Variants in PCDHGB3 observed in about 807,000 individuals in gnomAD.
The protein encoded by PCDHGB3 is protocadherin gamma subfamily B, 3, also known as protocadherin gamma-B3.
PCDHGB3 carries 40 observed loss-of-function variants against 59.2 expected under a neutral mutation model. The ratio of observed to expected loss-of-function variants is 0.68; its 90% CI spans 0.52 to 0.88. The LOEUF is 0.88. PCDHGB3 is among the 40% of genes least tolerant of loss of function. The pLI is 0.00. For synonymous variants in PCDHGB3, 581 were observed against 503.6 expected, an observed-to-expected ratio of 1.15 and a Z score of -2.06; for missense variants, 1,309 against 1,187.9, an observed-to-expected ratio of 1.10 and a Z score of -1.50.
chr5:141,477,438 C>A lies in PCDHGB3; in HGVS notation c.2416-17369C>A, dbSNP rs1386997844. The A allele has an allele frequency of 3.1e-6, 5 of 1,614,174 alleles. No individual in the cohort carries two copies. The Admixed American group carries it at 6.7e-5, about 22-fold the overall frequency. On this transcript the variant is annotated intron_variant, in intron 1 of 3. Coordinates refer to ENST00000576222, the MANE Select transcript of PCDHGB3 (RefSeq NM_018924.5). The surrounding 1 kb of genome is among the most constrained non-coding windows in gnomAD (Gnocchi z 4.9). ...GGAACCCCTTCCCTCTCAGCCCTTA[C>A]AATAGTGCGTGTTCAAGTGTCCGAC...
At chr5:141,447,023 G>GTT (rs5871773) in intron 1 of PCDHGB3, among the ~76,000 whole-genome samples, 2,010 of 151,524 alleles carry the variant, frequency 0.013, 40 homozygotes, top group African/African-American at 0.047. Context: ...GTTTTGTTTT[G>GTT]TTTTTTTTCT....
chr5:141,427,320 G>A (rs920149276), intron 1 of PCDHGB3: 5 of 456,968 alleles, frequency 1.1e-5, no homozygotes, highest in Non-Finnish European at 1.8e-5. Context: ...CCCAGACGTG[G>A]TTTTTACTTC....
chr5:141,396,439 T>C (rs1191341482), intron 1 of PCDHGB3: 1 of 152,138 alleles, frequency 6.6e-6, no homozygotes, highest in African/African-American at 2.4e-5. Flanking sequence ...GCAAACATGG[T>C]GAAACCCCGT....
intron 1 of PCDHGB3, among the ~76,000 whole-genome samples, chr5:141,457,687 G>A (rs2098927754): frequency 6.6e-6 from 1 of 152,198 alleles, no homozygotes; most frequent in Admixed American, 6.5e-5. Context: ...TAGGACTTTT[G>A]GATTGGCTTT....
chr5:141,400,678 TTG>T, intron 1 of PCDHGB3: 1 of 882,002 alleles, frequency 1.1e-6, no homozygotes, highest in Non-Finnish European at 1.7e-6. Flanking sequence ...GAGCAGTAAA[TTG>T]TGAGTTTTTA....
chr5:141,500,574 G>A (rs2099801457), intron 2 of PCDHGB3, among the ~76,000 whole-genome samples: 1 of 152,164 alleles, frequency 6.6e-6, no homozygotes, highest in African/African-American at 2.4e-5. Context: ...ACACTTTCAT[G>A]TGACACTTTA....
At chr5:141,453,521 T>A (rs1311886024) in intron 1 of PCDHGB3, among the ~76,000 whole-genome samples, 2 of 152,148 alleles carry the variant, frequency 1.3e-5, no homozygotes, top group Non-Finnish European at 2.9e-5. Flanking sequence ...TCCTCCCCTA[T>A]ACCTTCTGCC....
chr5:141,494,546 G>A (rs984336435), intron 1 of PCDHGB3, among the ~76,000 whole-genome samples: 7 of 152,152 alleles, frequency 4.6e-5, no homozygotes, highest in African/African-American at 1.2e-4. Context: ...GGAGGAAGGG[G>A]CCATTTCTTT....
At chr5:141,388,632 A>C in intron 1 of PCDHGB3, 1 of 1,613,958 alleles carries the variant, frequency 6.2e-7, no homozygotes, top group Non-Finnish European at 8.5e-7. Context: ...ATACAGGGTG[A>C]GCCTTTCAGA....
chr5:141,460,537 C>T (rs2098991642), intron 1 of PCDHGB3, among the ~76,000 whole-genome samples: 1 of 152,062 alleles, frequency 6.6e-6, no homozygotes, highest in African/African-American at 2.4e-5. Context: ...ATAATCTTAG[C>T]ACCTTAATCA....
In PCDHGB3 at chr5:141,486,223, C is replaced by G. The variant is rs1164723634; in HGVS notation, c.2416-8584C>G. ...ACGTAAATGACAATGCCCCTTACATCACAGTGACCTCAGAGCTTGGAACCC... is the reference window on the plus strand; with the variant it reads ...ACGTAAATGACAATGCCCCTTACATGACAGTGACCTCAGAGCTTGGAACCC... On this transcript the variant is annotated intron_variant, in intron 1 of 3. Coordinates refer to ENST00000576222, the MANE Select transcript of PCDHGB3 (RefSeq NM_018924.5). The surrounding 1 kb of genome is among the most constrained non-coding windows in gnomAD (Gnocchi z 5.0). The G allele has an allele frequency of 6.2e-7, 1 of 1,614,148 alleles. No homozygotes were observed. Among genetic ancestry groups the G allele is most frequent in the Admixed American group, 1.7e-5 (1 of 60,032 alleles).
chr5:141,468,433 A>G (rs2099167290), intron 1 of PCDHGB3: 1 of 152,202 alleles, frequency 6.6e-6, no homozygotes, highest in Non-Finnish European at 1.5e-5. Context: ...GGTAATAGCA[A>G]AATGTGGGTG....
In PCDHGB3 at chr5:141,456,564, A is replaced by G. The variant is rs1174191537; in HGVS notation, c.2416-38243A>G. ...TTGTAGCCACTCGGGGCTGAAGCCC[A>G]CATTTTCCCTGAGCCTGTCAATAAT... On this transcript the variant is annotated intron_variant, in intron 1 of 3. Coordinates refer to ENST00000576222, the MANE Select transcript of PCDHGB3 (RefSeq NM_018924.5). Among the ~76,000 whole-genome samples the G allele has an allele frequency of 2.6e-5, 4 of 152,338 alleles. No individual in the cohort carries two copies. The South Asian group carries it at 6.2e-4, about 24-fold the overall frequency.
At chr5:141,498,803 C>T (rs916966107) in intron 2 of PCDHGB3, among the ~76,000 whole-genome samples, 5 of 151,982 alleles carry the variant, frequency 3.3e-5, no homozygotes, top group African/African-American at 1.2e-4. Flanking sequence ...TGTGGTGGTG[C>T]ACACCTGTAG....
intron 1 of PCDHGB3, chr5:141,375,897 C>A (rs1456506633): frequency 3.7e-6 from 6 of 1,613,680 alleles, no homozygotes; most frequent in Non-Finnish European, 5.1e-6. Context: ...GCCTGGCTGT[C>A]CTACCGCCTG....
At chr5:141,480,525 A>G (rs191522157) in intron 1 of PCDHGB3, among the ~76,000 whole-genome samples, 131 of 152,310 alleles carry the variant, frequency 8.6e-4, no homozygotes, top group African/African-American at 2.6e-3. Context: ...AAAAATGACA[A>G]AGTAGAAGCA....
Position 141,464,279 on chromosome 5 carries a change from CA to C in PCDHGB3, c.2416-30517del, listed in dbSNP as rs373828487. Among the ~76,000 whole-genome samples, 143 of 137,732 alleles carry C rather than the reference CA, an allele frequency of 1.0e-3. 2 individuals are homozygous for C. The Middle Eastern group carries it at 0.015, about 15-fold the overall frequency. 90.4% of individuals were successfully genotyped at this position (137,732 alleles called of 152,430 possible). A position where few individuals can be genotyped will look rare whatever the true frequency, so the allele number is the denominator to read the frequency against. The stretch of plus-strand genomic sequence containing the variant: ...GACTCCGTCTAAAAAAAAAAAAAAG[CA>C]AAAAAAAAAACTCCATTGTATGTGC... On this transcript the variant is annotated intron_variant, in intron 1 of 3. Transcript: ENST00000576222.
At position 141,484,465 on chromosome 5, in the gene PCDHGB3, A is replaced by G. The variant is rs2099596840; in HGVS notation, c.2416-10342A>G. On this transcript the variant is annotated intron_variant, in intron 1 of 3. Coordinates refer to ENST00000576222, the MANE Select transcript of PCDHGB3 (RefSeq NM_018924.5). ...ATTTAATTGGCTACGTTAATGTGTA[A>G]GCCTTTTCTGCAAAGAGATGGATCC... is the stretch of plus-strand genomic sequence containing the variant. Among the ~76,000 whole-genome samples, 4 of 152,236 alleles carry G rather than the reference A, an allele frequency of 2.6e-5. No individual in the cohort carries two copies. In the South Asian group the frequency reaches 6.2e-4, roughly 24 times the overall value.
At chr5:141,439,547 T>C (rs2098120171) in intron 1 of PCDHGB3, among the ~76,000 whole-genome samples, 2 of 152,180 alleles carry the variant, frequency 1.3e-5, no homozygotes, top group Non-Finnish European at 2.9e-5. Context: ...CTCTCATTTC[T>C]TCAGGCTGCA....
Sources: allele counts gnomAD v4.1 joint callset (sites outside exome capture counted in the v4.1 genomes callset), GRCh38; gene constraint gnomAD v4.1.1; non-coding constraint Gnocchi (gnomAD v3.1); transcripts MANE v1.5; gene names NCBI Gene and HGNC (gene_info 2026-07-23, HGNC 2026-07-21).